Variants in DPF3 observed in about 807,000 individuals in gnomAD.
DPF3 encodes the protein zinc finger protein DPF3.
In DPF3, 18 loss-of-function variants were observed where a neutral mutation model predicts 56.8. That is an observed-to-expected ratio of 0.32 (90% CI 0.22 to 0.47). The LOEUF (loss-of-function observed/expected upper bound fraction) is 0.47. Ranked by LOEUF, DPF3 falls within the 20% of genes least tolerant of loss-of-function variation. The pLI is 1.00. For missense variants in DPF3, 403 were observed against 488.8 expected (o/e 0.82, Z 1.65); for synonymous variants, 188 against 180.2 (o/e 1.04, Z -0.35).
chr14:72,681,450 T>C (rs1382425280), intron 7 of DPF3, among the ~76,000 whole-genome samples: 1 of 152,204 alleles, frequency 6.6e-6, no homozygotes, highest in African/African-American at 2.4e-5. Flanking sequence ...CCCCAGAGTC[T>C]TGAGACTCAT....
intron 6 of DPF3, among the ~76,000 whole-genome samples, chr14:72,703,606 G>A (rs1038045588): frequency 6.6e-6 from 1 of 152,202 alleles, no homozygotes; most frequent in African/African-American, 2.4e-5. Context: ...GTGAACTCGG[G>A]AGTCTGCCTT....
intron 9 of DPF3, among the ~76,000 whole-genome samples, chr14:72,628,819 T>G (rs534322125): frequency 1.3e-5 from 2 of 152,278 alleles, no homozygotes; most frequent in Admixed American, 6.5e-5. Flanking sequence ...AATACAGTCA[T>G]GAGAACTTGA....
intron 1 of DPF3, among the ~76,000 whole-genome samples, chr14:72,870,635 T>G (rs907860321): frequency 1.3e-5 from 2 of 152,240 alleles, no homozygotes; most frequent in African/African-American, 4.8e-5. Context: ...TGCCATAGAT[T>G]TCTAGAACTT....
intron 8 of DPF3, chr14:72,670,971 G>A: frequency 3.2e-6 from 2 of 616,078 alleles, no homozygotes; most frequent in East Asian, 3.4e-5. Context: ...AAACAGAGGG[G>A]TGGGGGGAGG....
At chr14:72,885,450 A>C (rs1886509447) in intron 1 of DPF3, among the ~76,000 whole-genome samples, 1 of 152,046 alleles carries the variant, frequency 6.6e-6, no homozygotes, top group Non-Finnish European at 1.5e-5. Context: ...GCTGGAGTAC[A>C]TGGAGTACAG....
Position 72,611,794 on chromosome 14 carries a change from C to T in DPF3, c.*7503G>A, listed in dbSNP as rs1046491801. 3.3e-5 allele frequency among the ~76,000 whole-genome samples: 5 copies of T among 152,134 alleles called. No individual in the cohort carries two copies. Among genetic ancestry groups the T allele is most frequent in the African/African-American group, 9.7e-5 (4 of 41,436 alleles). On this transcript the variant is annotated 3_prime_UTR_variant, in exon 11 of 11. Coordinates refer to ENST00000556509, the MANE Select transcript of DPF3 (RefSeq NM_001280542.3). The stretch of plus-strand genomic sequence containing the variant: ...GAGGTCATCTGTTTTCTTCCCCCGA[C>T]CCCTCAGCCTCCACAGGGTAGAAAT...
rs1167215754 is a variant in DPF3, at chr14:72,795,690, T to A, written c.33-23797A>T. Among the ~76,000 whole-genome samples the A allele has an allele frequency of 4.6e-5, 7 of 152,190 alleles. No homozygotes were observed. The East Asian group carries it at 7.7e-4, about 17-fold the overall frequency. On this transcript the variant is annotated intron_variant, in intron 1 of 10. Transcript: ENST00000556509. ...AGTCCCAGGAATCAGAGGGGCTGTT[T>A]GGCCAATGCAGACTGACCCTTTCAT...
intron 8 of DPF3, among the ~76,000 whole-genome samples, chr14:72,672,948 A>T (rs1028290547): frequency 1.3e-5 from 2 of 152,174 alleles, no homozygotes; most frequent in Non-Finnish European, 2.9e-5. Flanking sequence ...AGAGTCCGCT[A>T]TCACAAGGGC....
chr14:72,698,808 C>T (rs925420117), intron 6 of DPF3, among the ~76,000 whole-genome samples: 2 of 152,194 alleles, frequency 1.3e-5, no homozygotes, highest in African/African-American at 4.8e-5. Flanking sequence ...CATAGCACTA[C>T]CATAAGTGGA....
chr14:72,727,743 T>TATC (rs1889465400), intron 4 of DPF3, among the ~76,000 whole-genome samples: 2 of 152,192 alleles, frequency 1.3e-5, no homozygotes, highest in Non-Finnish European at 2.9e-5. Flanking sequence ...GATAGGTATC[T>TATC]CTTGGTCTCT....
At chr14:72,833,728 A>T (rs1416801471) in intron 1 of DPF3, among the ~76,000 whole-genome samples, 1 of 152,200 alleles carries the variant, frequency 6.6e-6, no homozygotes, top group Non-Finnish European at 1.5e-5. Context: ...AGGAATAATC[A>T]TGTGTTAAAA....
chr14:72,696,181 G>C (rs779041946), intron 6 of DPF3, among the ~76,000 whole-genome samples: 3 of 152,172 alleles, frequency 2.0e-5, no homozygotes, highest in Non-Finnish European at 4.4e-5. Context: ...TTTACACAAA[G>C]AGGCCTCAGC....
intron 1 of DPF3, among the ~76,000 whole-genome samples, chr14:72,821,144 A>AG (rs1269969593): frequency 1.3e-5 from 2 of 151,668 alleles, no homozygotes; most frequent in Non-Finnish European, 2.9e-5. Flanking sequence ...AAAAAAAAAA[A>AG]AAAAAAATTA....
At chr14:72,837,191 A>G (rs1884332700) in intron 1 of DPF3, among the ~76,000 whole-genome samples, 1 of 152,090 alleles carries the variant, frequency 6.6e-6, no homozygotes. Flanking sequence ...TTTCAGTAAA[A>G]TAAGTGCAAA....
intron 1 of DPF3, among the ~76,000 whole-genome samples, chr14:72,884,505 C>G (rs1886439229): frequency 1.3e-5 from 2 of 152,088 alleles, no homozygotes; most frequent in South Asian, 2.1e-4. Flanking sequence ...GTTTCCACAT[C>G]CATTATTTCA....
At chr14:72,706,390 C>G (rs1400318888) in intron 6 of DPF3, among the ~76,000 whole-genome samples, 6 of 152,210 alleles carry the variant, frequency 3.9e-5, no homozygotes, top group Non-Finnish European at 7.3e-5. Context: ...GTGCTATCTC[C>G]TGCACAATAT....
At chr14:72,852,229 A>G (rs952256988) in intron 1 of DPF3, among the ~76,000 whole-genome samples, 26 of 152,206 alleles carry the variant, frequency 1.7e-4, no homozygotes, top group African/African-American at 6.3e-4. Context: ...AAGGCTTCCC[A>G]CTGCCCCATC....
In DPF3 at chr14:72,838,898, C is replaced by CATATATATATATATATATATATATAT. The variant is rs1487324297; in HGVS notation, c.32+55158_32+55159insATATATATATATATATATATATATAT. Among the ~76,000 whole-genome samples the CATATATATATATATATATATATATAT allele has an allele frequency of 3.6e-3, 290 of 80,564 alleles. 29 individuals are homozygous for CATATATATATATATATATATATATAT. The highest frequency in any genetic ancestry group is 4.9e-3 in the Non-Finnish European group (206 of 41,688). The allele number at this position is 80,564 out of a possible 152,430, so 52.9% of individuals were successfully genotyped here. On this transcript the variant is annotated intron_variant, in intron 1 of 10. Transcript: ENST00000556509. Reference sequence around the variant, plus strand: ...GCAAATTATCTATCATATATATTATCATATATATTCTTTTTTTTTTTTTTT... The same window carrying CATATATATATATATATATATATATAT: ...GCAAATTATCTATCATATATATTATCATATATATATATATATATATATATATATATATATTCTTTTTTTTTTTTTTT...
intron 8 of DPF3, among the ~76,000 whole-genome samples, chr14:72,648,569 G>GAAAAAAAA (rs11348282): frequency 2.2e-5 from 2 of 92,896 alleles, no homozygotes; most frequent in Non-Finnish European, 2.3e-5. Context: ...TCTCAAAAAA[G>GAAAAAAAA]AAAAAAAAAA....
Sources: allele counts gnomAD v4.1 joint callset (sites outside exome capture counted in the v4.1 genomes callset), GRCh38; gene constraint gnomAD v4.1.1; transcripts MANE v1.5; gene names NCBI Gene and HGNC (gene_info 2026-07-23, HGNC 2026-07-21).